DKK3: variants seen among roughly 807,000 people sequenced by gnomAD.
DKK3 encodes dickkopf Wnt signaling pathway inhibitor 3, also known as dickkopf-related protein 3.
A neutral mutation model predicts 33.2 loss-of-function variants in DKK3; 22 were observed. That is an observed-to-expected ratio of 0.66 (90% CI 0.47 to 0.95). DKK3 has a LOEUF of 0.95. Among genes scored for constraint, DKK3 ranks in the 40% least tolerant of loss-of-function variants. The pLI is 0.00. For synonymous variants in DKK3, 194 were observed against 188.8 expected (o/e 1.03, Z -0.23); for missense variants, 398 against 458.4 (o/e 0.87, Z 1.20).
In DKK3 at chr11:11,964,659, C is replaced by T. The variant is rs545673121; in HGVS notation, c.858G>A (p.Pro286=). ...HSHSLVYVCK[P]TFVGSRDQDG... The stretch of plus-strand genomic sequence containing the variant: ...CTTGGTCACGGCTCCCCACGAAGGT[C>T]GGCTTGCACACATACACCAGGCTGT... The change falls in exon 7 of 7, where the codon CCG becomes CCA. Residue 286 remains proline, a synonymous_variant. Transcript: ENST00000683431. 93 of 1,614,062 alleles carry T rather than the reference C, an allele frequency of 5.8e-5. No individual in the cohort carries two copies. Among genetic ancestry groups the T allele is most frequent in the Middle Eastern group, 3.3e-4 (2 of 6,062 alleles).
intron 3 of DKK3, among the ~76,000 whole-genome samples, chr11:11,986,198 G>T (rs1848067479): frequency 6.6e-6 from 1 of 152,138 alleles, no homozygotes; most frequent in African/African-American, 2.4e-5. Context: ...TTTTGTTCCT[G>T]CCTCCTTTCT....
chr11:11,984,061 G>A (rs1272899575), intron 3 of DKK3, among the ~76,000 whole-genome samples: 1 of 152,180 alleles, frequency 6.6e-6, no homozygotes, highest in Non-Finnish European at 1.5e-5. Flanking sequence ...TCTCTGTGAC[G>A]AGGAGTGACT....
rs543465113 is a variant in DKK3, at chr11:11,964,355, C to T, written c.*109G>A. ...GCTGTCAAGCCAGAGGGGAAACTTA[C>T]TGGGAAGAAGATGTAGGAAGAAGCC... On this transcript the variant is annotated 3_prime_UTR_variant, in exon 7 of 7. Coordinates refer to ENST00000683431, the MANE Select transcript of DKK3 (RefSeq NM_001018057.2). 2 of 1,397,638 alleles carry T rather than the reference C, an allele frequency of 1.4e-6. No individual in the cohort carries two copies. Among genetic ancestry groups the T allele is most frequent in the African/African-American group, 2.9e-5 (2 of 69,698 alleles). The allele number at this position is 1,397,638 out of a possible 1,614,324, so 86.6% of individuals were successfully genotyped here.
At chr11:11,977,680 G>A in intron 3 of DKK3, among the ~76,000 whole-genome samples, 1 of 152,070 alleles carries the variant, frequency 6.6e-6, no homozygotes, top group Non-Finnish European at 1.5e-5. Flanking sequence ...GCCTGGCCGG[G>A]GTCTATTCCC....
intron 3 of DKK3, among the ~76,000 whole-genome samples, chr11:11,989,940 G>A (rs550693723): frequency 2.0e-5 from 3 of 152,286 alleles, no homozygotes; most frequent in Admixed American, 1.3e-4. Context: ...CATGTGGATC[G>A]TGTGAAGGAA....
In DKK3 at chr11:11,975,653, T is replaced by C. The variant is rs141038234; in HGVS notation, c.436-7166A>G. Among the ~76,000 whole-genome samples, 499 of 152,236 alleles carry C rather than the reference T, an allele frequency of 3.3e-3. 1 individual carries two copies. The highest frequency in any genetic ancestry group is 0.012 in the African/African-American group (488 of 41,556). On this transcript the variant is annotated intron_variant, in intron 3 of 6. Transcript: ENST00000683431. Reference sequence around the variant, plus strand: ...TAAAGAGTCAGCAGTGTGGGTGAAGTGGCCAAGGTCCTGGTTCACCCAGGG... The same window carrying C: ...TAAAGAGTCAGCAGTGTGGGTGAAGCGGCCAAGGTCCTGGTTCACCCAGGG...
At chr11:12,004,863 G>T (rs1202975104) in intron 1 of DKK3, among the ~76,000 whole-genome samples, 1 of 152,204 alleles carries the variant, frequency 6.6e-6, no homozygotes, top group Non-Finnish European at 1.5e-5. Flanking sequence ...AAGGGAATGG[G>T]TAGCTAGAAG....
chr11:11,974,721 C>T (rs1489513564), intron 3 of DKK3, among the ~76,000 whole-genome samples: 2 of 152,150 alleles, frequency 1.3e-5, no homozygotes, highest in Non-Finnish European at 2.9e-5. Context: ...GTGCTTGACT[C>T]GCAGCTGCCA....
chr11:11,983,507 G>C (rs115739465), intron 3 of DKK3, among the ~76,000 whole-genome samples: 2 of 152,238 alleles, frequency 1.3e-5, no homozygotes, highest in Admixed American at 1.3e-4. Context: ...AATCCCTCCT[G>C]ACATATCACA....
rs775576261 is a variant in DKK3, at chr11:12,008,529, G to A, written c.54C>T (p.Pro18=). ...LLCLLLAAAV[P]TAPAPAPTAT... is the part of the protein sequence containing the mutation. ...CCGTCGGAGCGGGCGCGGGGGCCGT[G>A]GGGACCGCCGCCGCCAGCAGCAGGC... is the stretch of plus-strand genomic sequence containing the variant. Residue 18 remains proline, a synonymous_variant, in exon 1 of 7, where the codon CCC becomes CCT. Coordinates refer to ENST00000683431, the MANE Select transcript of DKK3 (RefSeq NM_001018057.2). This position sits in a 1 kb window ranked among gnomAD's most constrained non-coding sequence, Gnocchi z 4.6. 6.4e-7 allele frequency: 1 copy of A among 1,563,232 alleles called. No individual in the cohort carries two copies. Among genetic ancestry groups the A allele is most frequent in the Non-Finnish European group, 8.6e-7 (1 of 1,161,852 alleles).
At chr11:11,992,481 C>G (rs1470729902) in intron 3 of DKK3, among the ~76,000 whole-genome samples, 1 of 152,226 alleles carries the variant, frequency 6.6e-6, no homozygotes, top group Non-Finnish European at 1.5e-5. Flanking sequence ...ATGTCCCCAC[C>G]ACCCACCCTC....
At position 12,004,540 on chromosome 11, in the gene DKK3, A is replaced by G. The variant is rs894331941; in HGVS notation, c.214-2103T>C. ...ATTGCCTGCAGCATCCTCGGAGAGGAACACAGTGGAAAGTACCAGGATTCT... is the reference window on the plus strand; with the variant it reads ...ATTGCCTGCAGCATCCTCGGAGAGGGACACAGTGGAAAGTACCAGGATTCT... On this transcript the variant is annotated intron_variant, in intron 1 of 6. Transcript: ENST00000683431. Among the ~76,000 whole-genome samples the G allele has an allele frequency of 3.3e-5, 5 of 152,310 alleles. No homozygotes were observed. In the Middle Eastern group the frequency reaches 0.014, roughly 417 times the overall value.
In DKK3 at chr11:11,999,849, G is replaced by T. The variant is rs1176290737; in HGVS notation, c.352-1070C>A. Reference sequence around the variant, plus strand: ...TAATATCACAGGAATCTGCAGCCAGGACAAAGTGGAAACTCTTGTACTAAT... The same window carrying T: ...TAATATCACAGGAATCTGCAGCCAGTACAAAGTGGAAACTCTTGTACTAAT... On this transcript the variant is annotated intron_variant, in intron 2 of 6. Coordinates refer to ENST00000683431, the MANE Select transcript of DKK3 (RefSeq NM_001018057.2). 2.0e-5 allele frequency among the ~76,000 whole-genome samples: 3 copies of T among 152,204 alleles called. No homozygotes were observed. The East Asian group carries it at 5.8e-4, about 29-fold the overall frequency.
chr11:11,974,068 G>C (rs1025101130), intron 3 of DKK3, among the ~76,000 whole-genome samples: 1 of 152,256 alleles, frequency 6.6e-6, no homozygotes, highest in Admixed American at 6.5e-5. Context: ...GATGCCTCCA[G>C]GGCCAGGGCC....
intron 3 of DKK3, among the ~76,000 whole-genome samples, chr11:11,984,655 TAAA>T (rs11297335): frequency 7.2e-6 from 1 of 139,090 alleles, no homozygotes; most frequent in African/African-American, 2.6e-5. Flanking sequence ...CAATTTCCTT[TAAA>T]AAAAAAAAAA....
chr11:11,970,773 G>A (rs1338618002), intron 3 of DKK3, among the ~76,000 whole-genome samples: 7 of 152,194 alleles, frequency 4.6e-5, no homozygotes, highest in Non-Finnish European at 7.3e-5. Flanking sequence ...ATGGAAGGGG[G>A]GCCAGGGGCC....
chr11:12,008,593 C>A lies in DKK3; in HGVS notation c.-11G>T. ...CCCAAGCCGCTGCATCTCCGCTCTG[C>A]GCCCGCAGCCGCCGCCTGTGTGTCC... On this transcript the variant is annotated 5_prime_UTR_variant, in exon 1 of 7. Transcript: ENST00000683431. This position sits in a 1 kb window ranked among gnomAD's most constrained non-coding sequence, Gnocchi z 4.6. 7.2e-7 allele frequency: 1 copy of A among 1,388,806 alleles called. No individual in the cohort carries two copies. The allele number at this position is 1,388,806 out of a possible 1,614,324, so 86.0% of individuals were successfully genotyped here. A position where few individuals can be genotyped will look rare whatever the true frequency, so the allele number is the denominator to read the frequency against.
intron 3 of DKK3, among the ~76,000 whole-genome samples, chr11:11,988,768 C>G (rs1848125598): frequency 6.6e-6 from 1 of 152,152 alleles, no homozygotes; most frequent in Admixed American, 6.5e-5. Context: ...CTCTGGATCC[C>G]CACAATCTCC....
upstream of DKK3, chr11:12,009,483 T>C: frequency 1.1e-6 from 1 of 908,418 alleles, no homozygotes; most frequent in Non-Finnish European, 1.3e-6. Flanking sequence ...CCCCACGCCC[T>C]CCTCTTCTGC....
Sources: gnomAD v4.1 joint callset for allele counts (sites outside exome capture counted in the v4.1 genomes callset) on GRCh38, gnomAD v4.1.1 for gene constraint, Gnocchi (gnomAD v3.1) non-coding constraint, MANE v1.5 for transcripts, NCBI Gene and HGNC (gene_info 2026-07-23, HGNC 2026-07-21) for gene names.